Variants in SCAPER observed in about 807,000 individuals in gnomAD.
SCAPER encodes the protein S phase cyclin A-associated protein in the endoplasmic reticulum.
SCAPER carries 98 observed loss-of-function variants against 182.2 expected under a neutral mutation model. The observed-to-expected ratio is 0.54, with a 90% CI of 0.46 to 0.64. SCAPER has a LOEUF of 0.64. Among genes scored for constraint, SCAPER ranks in the 30% least tolerant of loss-of-function variants. The pLI is 0.00. For synonymous variants in SCAPER, 605 were observed against 564.6 expected (o/e 1.07, Z -1.01); for missense variants, 1,432 against 1,690.0 (o/e 0.85, Z 2.68).
intron 20 of SCAPER, among the ~76,000 whole-genome samples, chr15:76,695,440 T>C (rs532540269): frequency 1.3e-5 from 2 of 151,642 alleles, no homozygotes; most frequent in Middle Eastern, 3.4e-3. Flanking sequence ...TACCAAAAAA[T>C]ACAAAAATTA....
intron 2 of SCAPER, among the ~76,000 whole-genome samples, chr15:76,879,591 A>G (rs971540211): frequency 2.0e-5 from 3 of 152,196 alleles, no homozygotes; most frequent in Admixed American, 6.5e-5. Context: ...AACAGAACAG[A>G]AGCCAGAGTA....
intron 23 of SCAPER, among the ~76,000 whole-genome samples, chr15:76,511,850 T>TGA (rs2042059795): frequency 1.0e-5 from 1 of 96,230 alleles, no homozygotes; most frequent in African/African-American, 4.0e-5. Flanking sequence ...TATATGTGTG[T>TGA]GTGTGTGTGT....
At chr15:76,622,957 T>C (rs1210727328) in intron 21 of SCAPER, among the ~76,000 whole-genome samples, 4 of 152,096 alleles carry the variant, frequency 2.6e-5, no homozygotes, top group Non-Finnish European at 5.9e-5. Flanking sequence ...TAGGAGTGAA[T>C]AATAATGAGT....
intron 7 of SCAPER, among the ~76,000 whole-genome samples, chr15:76,799,126 C>T (rs917033919): frequency 6.6e-6 from 1 of 151,976 alleles, no homozygotes; most frequent in Non-Finnish European, 1.5e-5. Context: ...ATGACAATAA[C>T]ACAATGTATG....
intron 23 of SCAPER, among the ~76,000 whole-genome samples, chr15:76,526,365 T>C (rs1021070507): frequency 6.6e-6 from 1 of 152,222 alleles, no homozygotes; most frequent in African/African-American, 2.4e-5. Flanking sequence ...TAACTGTACA[T>C]TTTACATAAT....
At chr15:76,875,151 A>G (rs2073047846) in intron 2 of SCAPER, among the ~76,000 whole-genome samples, 1 of 152,240 alleles carries the variant, frequency 6.6e-6, no homozygotes, top group Non-Finnish European at 1.5e-5. Context: ...GATGGGTTTC[A>G]CTGGTAAATT....
chr15:76,818,874 G>A (rs967746921), intron 5 of SCAPER, among the ~76,000 whole-genome samples: 4 of 152,220 alleles, frequency 2.6e-5, no homozygotes, highest in African/African-American at 7.2e-5. Flanking sequence ...CTGGAAAATC[G>A]GGTCATCCCA....
chr15:76,861,458 C>G (rs1270669424), intron 3 of SCAPER, among the ~76,000 whole-genome samples: 1 of 152,066 alleles, frequency 6.6e-6, no homozygotes, highest in Non-Finnish European at 1.5e-5. Flanking sequence ...ACCAGACAAA[C>G]CTAACTGTGA....
At chr15:76,587,902 G>C (rs975650042) in intron 22 of SCAPER, among the ~76,000 whole-genome samples, 8 of 151,302 alleles carry the variant, frequency 5.3e-5, no homozygotes, top group Non-Finnish European at 1.0e-4. Flanking sequence ...CTGTGCTACT[G>C]TCTTTCTCAT....
chr15:76,390,920 A>C (rs916324559), intron 27 of SCAPER, among the ~76,000 whole-genome samples: 1 of 151,926 alleles, frequency 6.6e-6, no homozygotes, highest in Non-Finnish European at 1.5e-5. Flanking sequence ...TCTGGCTTCC[A>C]CTCTTGCTTC....
intron 26 of SCAPER, among the ~76,000 whole-genome samples, chr15:76,407,388 G>A (rs1230759193): frequency 1.3e-5 from 2 of 152,146 alleles, no homozygotes; most frequent in African/African-American, 2.4e-5. Context: ...GTCTGTTGTT[G>A]ACTAAAAAGT....
intron 15 of SCAPER, among the ~76,000 whole-genome samples, chr15:76,743,584 A>C (rs1005053184): frequency 5.3e-5 from 8 of 152,160 alleles, no homozygotes; most frequent in African/African-American, 1.9e-4. Flanking sequence ...AGGAAAATAC[A>C]GCTAACCAAA....
At chr15:76,883,977 A>G (rs898951748) in intron 1 of SCAPER, 101 bp from the exon 2 acceptor site, 2 of 603,744 alleles carry the variant, frequency 3.3e-6, no homozygotes, top group Non-Finnish European at 5.5e-6. Flanking sequence ...ACATTAAACA[A>G]CAACAAAAAA....
At chr15:76,814,119 GA>G (rs2066885032) in intron 5 of SCAPER, among the ~76,000 whole-genome samples, 2 of 152,014 alleles carry the variant, frequency 1.3e-5, no homozygotes, top group South Asian at 4.2e-4. Flanking sequence ...TGTGAGCCGA[GA>G]TTACGCCACC....
chr15:76,652,371 C>CACACATATATATATAT (rs764864981), intron 21 of SCAPER, among the ~76,000 whole-genome samples: 6 of 8,058 alleles, frequency 7.4e-4, no homozygotes, highest in African/African-American at 1.6e-3. Flanking sequence ...CACACACACA[C>CACACATATATATATAT]ATATATATAT....
At chr15:76,541,744 A>T (rs1006611292) in intron 23 of SCAPER, among the ~76,000 whole-genome samples, 2 of 152,074 alleles carry the variant, frequency 1.3e-5, no homozygotes, top group African/African-American at 4.8e-5. Context: ...AGAAAAAAAT[A>T]CTCCAATGAG....
intron 25 of SCAPER, among the ~76,000 whole-genome samples, chr15:76,443,550 C>T (rs955051162): frequency 6.6e-6 from 1 of 152,198 alleles, no homozygotes; most frequent in Non-Finnish European, 1.5e-5. Flanking sequence ...ATGAAGCCTG[C>T]ACCAGCAGAC....
intron 21 of SCAPER, among the ~76,000 whole-genome samples, chr15:76,633,491 G>A (rs946281061): frequency 1.1e-4 from 16 of 152,154 alleles, no homozygotes; most frequent in Non-Finnish European, 1.5e-4. Flanking sequence ...CCCCTCATCC[G>A]GGCTGCCCTG....
intron 15 of SCAPER, among the ~76,000 whole-genome samples, chr15:76,736,490 A>G (rs983955045): frequency 1.3e-5 from 2 of 152,240 alleles, no homozygotes; most frequent in Admixed American, 1.3e-4. Flanking sequence ...AATTGGAGTC[A>G]ATGCTCTCAA....
Sources: gnomAD v4.1 joint callset for allele counts (sites outside exome capture counted in the v4.1 genomes callset) on GRCh38, gnomAD v4.1.1 for gene constraint, MANE v1.5 for transcripts, NCBI Gene and HGNC (gene_info 2026-07-23, HGNC 2026-07-21) for gene names.